The following UGGT2 variants were observed in gnomAD, a reference collection of about 807,000 sequenced individuals.
UGGT2 encodes UDP-glucose:glycoprotein glucosyltransferase 2.
A neutral mutation model predicts 192.1 loss-of-function variants in UGGT2; 180 were observed. The ratio of observed to expected loss-of-function variants is 0.94; its 90% confidence interval spans 0.83 to 1.06. UGGT2 has a LOEUF of 1.06. Among genes scored for constraint, UGGT2 ranks in the 50% least tolerant of loss-of-function variants. The pLI is 0.00. For missense variants in UGGT2, 1,849 were observed against 1,795.7 expected (o/e 1.03, Z -0.54); for synonymous variants, 580 against 591.0 (o/e 0.98, Z 0.27).
At chr13:95,983,965 C>A in intron 9 of UGGT2, 101 bp from the exon 10 acceptor site, 1 of 710,512 alleles carries the variant, frequency 1.4e-6, no homozygotes. Context: ...AAGCTAAAAA[C>A]TCCAAATCCT....
chr13:95,941,573 GAA>G lies in UGGT2; in HGVS notation c.1678-1484_1678-1483del, dbSNP rs1230173495. The stretch of plus-strand genomic sequence containing the variant: ...ACTCTGAATAAAGCAAAAGATAAAG[GAA>G]AAGTCATTCAGATTAGTCATTTTAC... On this transcript the variant is annotated intron_variant, in intron 15 of 38. Coordinates refer to ENST00000376747, the MANE Select transcript of UGGT2 (RefSeq NM_020121.4). Among the ~76,000 whole-genome samples the G allele has an allele frequency of 2.0e-5, 3 of 152,012 alleles. No individual in the cohort carries two copies. The East Asian group carries it at 5.8e-4, about 29-fold the overall frequency.
chr13:95,881,324 T>C (rs1255591224), intron 27 of UGGT2, among the ~76,000 whole-genome samples: 5 of 152,222 alleles, frequency 3.3e-5, no homozygotes, highest in African/African-American at 1.2e-4. Context: ...TCTTCTGATA[T>C]ATAAATTTTC....
intron 20 of UGGT2, among the ~76,000 whole-genome samples, chr13:95,916,143 G>A (rs572685894): frequency 1.6e-4 from 24 of 152,188 alleles, no homozygotes; most frequent in Non-Finnish European, 3.1e-4. Context: ...TGCTATAGGT[G>A]TGTTTGGGCT....
chr13:95,894,573 C>A lies in UGGT2; in HGVS notation c.2844G>T (p.Arg948Ser). The A allele has an allele frequency of 1.2e-6, 2 of 1,609,350 alleles. No homozygotes were observed. The highest frequency in any genetic ancestry group is 2.7e-5 in the African/African-American group (2 of 74,756). Residue 948 changes from arginine (R) to serine (S), a missense_variant, in exon 24 of 39, where the codon AGG (arginine) becomes AGT (serine). Arg to Ser is a moderately radical substitution (Grantham distance 110). Coordinates refer to ENST00000376747, the MANE Select transcript of UGGT2 (RefSeq NM_020121.4). Reference protein sequence around the residue: ...RASRYDVTFLRENHSVIKTNP... With the variant: ...RASRYDVTFLSENHSVIKTNP... The stretch of plus-strand genomic sequence containing the variant: ...GAATACATTCTTACCTGTGATTCTC[C>A]CTAAGAAATGTGACATCATATCGAG...
intron 12 of UGGT2, among the ~76,000 whole-genome samples, chr13:95,963,722 T>C (rs566607854): frequency 4.6e-5 from 7 of 152,272 alleles, no homozygotes; most frequent in African/African-American, 4.8e-5. Flanking sequence ...AAATCAGTAG[T>C]GTTTCTATAC....
intron 38 of UGGT2, among the ~76,000 whole-genome samples, chr13:95,831,465 T>C (rs1471180050): frequency 2.6e-5 from 4 of 152,148 alleles, no homozygotes; most frequent in Non-Finnish European, 4.4e-5. Context: ...CTTGTTTGTC[T>C]TGAAAGGCTA....
chr13:96,025,849 A>G (rs2052648422), intron 2 of UGGT2, among the ~76,000 whole-genome samples: 1 of 152,212 alleles, frequency 6.6e-6, no homozygotes, highest in Non-Finnish European at 1.5e-5. Context: ...TTAAATTAGA[A>G]GGAGCACAAG....
At chr13:95,928,640 A>G (rs1163125829) in intron 17 of UGGT2, among the ~76,000 whole-genome samples, 2 of 146,456 alleles carry the variant, frequency 1.4e-5, no homozygotes, top group Admixed American at 6.7e-5. Context: ...GAAGGTGGGT[A>G]GCCGGGCAGA....
chr13:95,868,436 A>AT (rs1210087485), intron 29 of UGGT2, among the ~76,000 whole-genome samples: 1 of 151,750 alleles, frequency 6.6e-6, no homozygotes, highest in South Asian at 2.1e-4. Context: ...TCTGCAAAAA[A>AT]TTTTTTTTTA....
At chr13:96,009,547 C>T (rs1262563784) in intron 5 of UGGT2, among the ~76,000 whole-genome samples, 3 of 152,190 alleles carry the variant, frequency 2.0e-5, no homozygotes, top group Admixed American at 6.5e-5. Context: ...CAGTGGCTCA[C>T]GCCTGTAATC....
At chr13:95,987,495 T>C (rs539378597) in intron 8 of UGGT2, among the ~76,000 whole-genome samples, 67 of 152,204 alleles carry the variant, frequency 4.4e-4, no homozygotes, top group African/African-American at 1.5e-3. Context: ...TTAGAGAACA[T>C]TTTGAAGGAG....
intron 19 of UGGT2, among the ~76,000 whole-genome samples, chr13:95,926,764 T>C (rs1415770359): frequency 3.3e-5 from 5 of 152,180 alleles, no homozygotes; most frequent in Non-Finnish European, 5.9e-5. Context: ...ATAGTTTACA[T>C]AGTACTGAAA....
chr13:95,846,034 A>AGAGGCTGCAATCTC (rs1419202708), intron 36 of UGGT2, among the ~76,000 whole-genome samples: 1 of 152,154 alleles, frequency 6.6e-6, no homozygotes, highest in Non-Finnish European at 1.5e-5. Flanking sequence ...GCGGCCAGGC[A>AGAGGCTGCAATCTC]GAGGCTGCAA....
intron 12 of UGGT2, among the ~76,000 whole-genome samples, chr13:95,956,783 T>C (rs770163371): frequency 7.9e-5 from 12 of 152,300 alleles, no homozygotes; most frequent in Non-Finnish European, 1.5e-4. Context: ...GTCAAAAAAG[T>C]TAGACACAGA....
At chr13:95,907,824 T>C (rs2048341079) in intron 20 of UGGT2, among the ~76,000 whole-genome samples, 3 of 152,078 alleles carry the variant, frequency 2.0e-5, no homozygotes, top group Admixed American at 2.0e-4. Flanking sequence ...ATTCTAAAAA[T>C]CAAAGGGCCT....
At chr13:95,856,467 A>C (rs760356599) in intron 33 of UGGT2, 127 bp from the exon 34 acceptor site, 9 of 817,298 alleles carry the variant, frequency 1.1e-5, no homozygotes, top group Non-Finnish European at 1.5e-5. Flanking sequence ...AAGATGTCTA[A>C]ATACTACTTC....
chr13:96,021,351 C>G (rs1235048410), intron 4 of UGGT2, among the ~76,000 whole-genome samples: 1 of 152,110 alleles, frequency 6.6e-6, no homozygotes, highest in East Asian at 1.9e-4. Context: ...AAGTTGACAT[C>G]AGAAACCAAT....
intron 24 of UGGT2, 47 bp from the exon 25 acceptor site, chr13:95,891,011 C>A: frequency 7.5e-7 from 1 of 1,331,950 alleles, no homozygotes; most frequent in East Asian, 2.4e-5. Context: ...TAAGTTTATA[C>A]AAACAACTAA....
In UGGT2 at chr13:95,947,027, A is replaced by G; in HGVS notation, c.1677+10T>C. ...CTTCTAAACAAATCACATTTAGTGCATAAACTCACGTGTACTATAGAAATA... is the reference window on the plus strand; with the variant it reads ...CTTCTAAACAAATCACATTTAGTGCGTAAACTCACGTGTACTATAGAAATA... On this transcript the variant is annotated intron_variant, in intron 15 of 38. Coordinates refer to ENST00000376747, the MANE Select transcript of UGGT2 (RefSeq NM_020121.4). 6.4e-7 allele frequency: 1 copy of G among 1,567,008 alleles called. No homozygotes were observed. The highest frequency in any genetic ancestry group is 1.2e-5 in the South Asian group (1 of 82,888).
Sources: allele counts gnomAD v4.1 joint callset (sites outside exome capture counted in the v4.1 genomes callset), GRCh38; gene constraint gnomAD v4.1.1; transcripts MANE v1.5; gene names NCBI Gene and HGNC (gene_info 2026-07-23, HGNC 2026-07-21).